TNNI3K: variants seen among roughly 807,000 people sequenced by gnomAD.
TNNI3K encodes the protein serine/threonine-protein kinase TNNI3K.
TNNI3K carries 140 observed loss-of-function variants against 114.5 expected under a neutral mutation model. The observed-to-expected ratio is 1.22, with a 90% CI of 1.07 to 1.41. The LOEUF (loss-of-function observed/expected upper bound fraction) is 1.41. Ranked by LOEUF, TNNI3K falls within the 40% of genes most tolerant of loss-of-function variation. The pLI is 0.00. For synonymous variants in TNNI3K, 347 were observed against 347.5 expected, an observed-to-expected ratio of 1.00 and a Z score of 0.02; for missense variants, 1,125 against 1,007.6, an observed-to-expected ratio of 1.12 and a Z score of -1.58.
chr1:74,361,037 A>C (rs1436841760), intron 11 of TNNI3K, among the ~76,000 whole-genome samples: 1 of 152,108 alleles, frequency 6.6e-6, no homozygotes, highest in Admixed American at 6.6e-5. Context: ...GCTACATGGC[A>C]TCTGGTGAGT....
intron 5 of TNNI3K, among the ~76,000 whole-genome samples, chr1:74,284,662 A>G (rs527891982): frequency 3.9e-5 from 6 of 152,318 alleles, no homozygotes; most frequent in East Asian, 3.9e-4. Flanking sequence ...TTTTGCAGCC[A>G]TTTTACTCTT....
chr1:74,243,311 T>C (rs532718193), intron 2 of TNNI3K, among the ~76,000 whole-genome samples: 3 of 152,302 alleles, frequency 2.0e-5, no homozygotes, highest in African/African-American at 4.8e-5. Context: ...ACAGATCTTA[T>C]TGATATAGTC....
intron 4 of TNNI3K, among the ~76,000 whole-genome samples, chr1:74,262,607 G>A (rs1270897737): frequency 6.6e-6 from 1 of 151,400 alleles, no homozygotes; most frequent in Non-Finnish European, 1.5e-5. Context: ...TCCAGTTAGT[G>A]ATGACTTTTA....
intron 7 of TNNI3K, among the ~76,000 whole-genome samples, 198 bp downstream of exon 7, chr1:74,336,347 T>C (rs1660462994): frequency 6.6e-6 from 1 of 152,140 alleles, no homozygotes; most frequent in Admixed American, 6.5e-5. Context: ...TTTAGCTCAA[T>C]TCTTTTTTAT....
intron 17 of TNNI3K, among the ~76,000 whole-genome samples, chr1:74,404,559 A>T (rs1361880602): frequency 6.6e-6 from 1 of 152,098 alleles, no homozygotes; most frequent in Non-Finnish European, 1.5e-5. Flanking sequence ...TGATTTCTGG[A>T]CTTCACTCCT....
intron 4 of TNNI3K, among the ~76,000 whole-genome samples, chr1:74,265,725 A>G (rs989079487): frequency 1.3e-5 from 2 of 152,094 alleles, no homozygotes; most frequent in Non-Finnish European, 2.9e-5. Flanking sequence ...CAACAATGCT[A>G]TGAGAATGAT....
intron 21 of TNNI3K, among the ~76,000 whole-genome samples, chr1:74,467,574 TA>T (rs1667732612): frequency 6.6e-6 from 1 of 151,914 alleles, no homozygotes; most frequent in Non-Finnish European, 1.5e-5. Context: ...TTATGGCAAT[TA>T]TATTTTTTTC....
At chr1:74,410,820 T>C (rs1188719633) in intron 17 of TNNI3K, among the ~76,000 whole-genome samples, 1 of 152,220 alleles carries the variant, frequency 6.6e-6, no homozygotes, top group African/African-American at 2.4e-5. Flanking sequence ...AAATCAGTGG[T>C]GCCTTATGAG....
intron 4 of TNNI3K, among the ~76,000 whole-genome samples, chr1:74,266,256 G>A (rs1221583435): frequency 6.6e-6 from 1 of 152,024 alleles, no homozygotes; most frequent in Non-Finnish European, 1.5e-5. Flanking sequence ...GCTGGACTTA[G>A]CTAGAACAGT....
At chr1:74,475,116 CCACACACACA>C (rs3058791) in intron 21 of TNNI3K, among the ~76,000 whole-genome samples, 43 of 135,992 alleles carry the variant, frequency 3.2e-4, no homozygotes, top group African/African-American at 7.4e-4. Context: ...CCACCTCAGC[CCACACACACA>C]CACACACACA....
intron 7 of TNNI3K, among the ~76,000 whole-genome samples, chr1:74,339,430 T>C (rs1660643285): frequency 6.6e-6 from 1 of 152,098 alleles, no homozygotes; most frequent in Non-Finnish European, 1.5e-5. Context: ...TATTAGTTAG[T>C]TCACTTATTC....
At chr1:74,482,885 G>C (rs1412369209) in intron 21 of TNNI3K, among the ~76,000 whole-genome samples, 1 of 152,154 alleles carries the variant, frequency 6.6e-6, no homozygotes, top group Non-Finnish European at 1.5e-5. Flanking sequence ...TCTTACTAAT[G>C]CTGAACAATT....
intron 17 of TNNI3K, among the ~76,000 whole-genome samples, chr1:74,410,425 T>C (rs1664826232): frequency 6.6e-6 from 1 of 152,160 alleles, no homozygotes; most frequent in African/African-American, 2.4e-5. Flanking sequence ...TACTCCAGGC[T>C]CCCTCAATAT....
chr1:74,297,144 C>A (rs1658036090), intron 5 of TNNI3K, among the ~76,000 whole-genome samples: 1 of 151,646 alleles, frequency 6.6e-6, no homozygotes, highest in Non-Finnish European at 1.5e-5. Context: ...CCTGTGTTTT[C>A]TTTTTCTCTT....
At chr1:74,446,811 T>G (rs537869733) in intron 20 of TNNI3K, among the ~76,000 whole-genome samples, 351 of 149,292 alleles carry the variant, frequency 2.4e-3, no homozygotes, top group Middle Eastern at 0.014. Flanking sequence ...CTTTCCCCAT[T>G]GCTTGTTTTT....
chr1:74,388,305 T>C (rs1186697497), intron 17 of TNNI3K, among the ~76,000 whole-genome samples: 1 of 152,126 alleles, frequency 6.6e-6, no homozygotes, highest in Non-Finnish European at 1.5e-5. Flanking sequence ...TTTTTTTCTG[T>C]CTTCCCACTC....
chr1:74,333,690 C>G (rs1338690494), intron 6 of TNNI3K, among the ~76,000 whole-genome samples: 1 of 152,110 alleles, frequency 6.6e-6, no homozygotes, highest in Non-Finnish European at 1.5e-5. Flanking sequence ...ATGGTACATT[C>G]AATATATAAA....
At chr1:74,522,644 G>A (rs1646449461) in intron 23 of TNNI3K, among the ~76,000 whole-genome samples, 2 of 151,136 alleles carry the variant, frequency 1.3e-5, no homozygotes, top group African/African-American at 4.9e-5. Flanking sequence ...GTATGTGTGT[G>A]TGTGTGTGAG....
chr1:74,527,150 A>C (rs1288639600), intron 23 of TNNI3K, among the ~76,000 whole-genome samples: 1 of 152,208 alleles, frequency 6.6e-6, no homozygotes, highest in African/African-American at 2.4e-5. Context: ...CCTTCAGGTC[A>C]CTGTAAACAG....
Sources: gnomAD v4.1 joint callset for allele counts (sites outside exome capture counted in the v4.1 genomes callset) on GRCh38, gnomAD v4.1.1 for gene constraint, MANE v1.5 for transcripts, NCBI Gene and HGNC (gene_info 2026-07-23, HGNC 2026-07-21) for gene names.